The following UBE2E3 variants were observed in gnomAD, a reference collection of about 807,000 sequenced individuals.
UBE2E3 encodes ubiquitin-conjugating enzyme E2 E3.
In UBE2E3, 5 loss-of-function variants were observed where a neutral mutation model predicts 23.6. That is an observed-to-expected ratio of 0.21 (90% CI 0.11 to 0.44). The LOEUF is 0.44. UBE2E3 is among the 20% of genes least tolerant of loss of function. The pLI is 0.99. For missense variants in UBE2E3, 81 were observed against 249.8 expected, an observed-to-expected ratio of 0.32 and a Z score of 4.55; for synonymous variants, 78 against 87.5, an observed-to-expected ratio of 0.89 and a Z score of 0.60.
intron 3 of UBE2E3, among the ~76,000 whole-genome samples, chr2:180,994,263 A>G (rs966956901): frequency 6.6e-6 from 1 of 152,150 alleles, no homozygotes; most frequent in African/African-American, 2.4e-5. Flanking sequence ...AGGTTTCTTA[A>G]TTTTGGAGAA....
chr2:180,987,481 C>G lies in UBE2E3; in HGVS notation c.245+3388C>G, dbSNP rs918925660. On this transcript the variant is annotated intron_variant, in intron 3 of 5. Coordinates refer to ENST00000410062, the MANE Select transcript of UBE2E3 (RefSeq NM_006357.4). The stretch of plus-strand genomic sequence containing the variant: ...GACGAATATTTTAAGAGTGTATGTT[C>G]AGATTGAATCTATACTGGAGATATT... The G allele has an allele frequency of 2.8e-6, 4 of 1,429,462 alleles. No individual in the cohort carries two copies. The African/African-American group carries it at 5.7e-5, about 20-fold the overall frequency. 88.5% of individuals were successfully genotyped at this position (1,429,462 alleles called of 1,614,324 possible).
intron 3 of UBE2E3, among the ~76,000 whole-genome samples, chr2:180,994,449 T>G (rs1277241440): frequency 6.6e-6 from 1 of 152,178 alleles, no homozygotes; most frequent in Non-Finnish European, 1.5e-5. Flanking sequence ...ATCTATATCT[T>G]AAAACATGCA....
chr2:180,985,752 G>C (rs1273620602), intron 3 of UBE2E3, among the ~76,000 whole-genome samples: 1 of 152,086 alleles, frequency 6.6e-6, no homozygotes, highest in Non-Finnish European at 1.5e-5. Context: ...TATCAATTCA[G>C]AACTCTTAAA....
intron 3 of UBE2E3, among the ~76,000 whole-genome samples, chr2:181,019,111 G>A (rs1685591669): frequency 6.6e-6 from 1 of 152,126 alleles, no homozygotes; most frequent in African/African-American, 2.4e-5. Context: ...CTACAGGCAT[G>A]TGCCACCACA....
At chr2:180,999,627 C>T (rs987659539) in intron 3 of UBE2E3, among the ~76,000 whole-genome samples, 4 of 151,720 alleles carry the variant, frequency 2.6e-5, no homozygotes, top group African/African-American at 7.3e-5. Flanking sequence ...GGCACCCTCC[C>T]GCCCTCCACC....
chr2:181,026,616 ATTAG>A (rs571731246), intron 3 of UBE2E3, among the ~76,000 whole-genome samples: 153 of 151,562 alleles, frequency 1.0e-3, no homozygotes, highest in African/African-American at 3.6e-3. Context: ...TTATCTGGAG[ATTAG>A]TTAAAGTTTC....
chr2:181,047,451 G>A (rs1286798491), intron 3 of UBE2E3, among the ~76,000 whole-genome samples: 1 of 151,854 alleles, frequency 6.6e-6, no homozygotes, highest in Non-Finnish European at 1.5e-5. Flanking sequence ...TTATCTTTTG[G>A]ATATCTCATA....
rs978444496 is a variant in UBE2E3, at chr2:180,980,826, T to A, written c.-173T>A. 1 of 145,028 alleles carries A rather than the reference T, an allele frequency of 6.9e-6. No individual in the cohort carries two copies. Among genetic ancestry groups the A allele is most frequent in the African/African-American group, 2.5e-5 (1 of 39,342 alleles). The allele number at this position is 145,028 out of a possible 1,614,324, so 9.0% of individuals were successfully genotyped here. A position where few individuals can be genotyped will look rare whatever the true frequency, so the allele number is the denominator to read the frequency against. ...CCCTCCGACTTTCAATGTTCCACAC[T>A]CCCCGGCCAGAGCCTCCTCGGCTTC... On this transcript the variant is annotated 5_prime_UTR_variant, in exon 1 of 6. Coordinates refer to ENST00000410062, the MANE Select transcript of UBE2E3 (RefSeq NM_006357.4). The surrounding 1 kb of genome is among the most constrained non-coding windows in gnomAD (Gnocchi z 5.5).
intron 3 of UBE2E3, among the ~76,000 whole-genome samples, chr2:180,996,579 T>G (rs889615775): frequency 2.6e-5 from 4 of 152,188 alleles, no homozygotes; most frequent in Non-Finnish European, 4.4e-5. Context: ...ACATTGAACA[T>G]CCTCAGACTC....
intron 3 of UBE2E3, among the ~76,000 whole-genome samples, chr2:180,987,899 A>AC (rs1206013440): frequency 6.6e-6 from 1 of 152,094 alleles, no homozygotes; most frequent in Non-Finnish European, 1.5e-5. Flanking sequence ...CCCAACCCCC[A>AC]ACCCAGAATT....
intron 3 of UBE2E3, among the ~76,000 whole-genome samples, chr2:180,997,532 T>C (rs72883538): frequency 0.23 from 35,281 of 152,070 alleles, 4,458 homozygotes; most frequent in Non-Finnish European, 0.28. Flanking sequence ...ACCCTTGTGT[T>C]GTTTATCCCT....
chr2:180,982,759 A>G (rs570819592), intron 2 of UBE2E3, among the ~76,000 whole-genome samples: 4 of 152,184 alleles, frequency 2.6e-5, no homozygotes, highest in Non-Finnish European at 5.9e-5. Context: ...ATGACTTTCA[A>G]TCGTATATCA....
intron 3 of UBE2E3, among the ~76,000 whole-genome samples, chr2:181,027,005 TATTA>T (rs1402206843): frequency 3.3e-5 from 5 of 151,892 alleles, no homozygotes; most frequent in Admixed American, 2.6e-4. Context: ...TGAAGGTAAT[TATTA>T]GTAAAAAAAT....
intron 4 of UBE2E3, among the ~76,000 whole-genome samples, chr2:181,058,746 A>G (rs747589011): frequency 6.6e-6 from 1 of 151,796 alleles, no homozygotes; most frequent in Non-Finnish European, 1.5e-5. Flanking sequence ...ATGTGCACAT[A>G]AACGGATTTA....
intron 3 of UBE2E3, among the ~76,000 whole-genome samples, chr2:181,031,240 G>T (rs1304455121): frequency 6.6e-6 from 1 of 151,808 alleles, no homozygotes; most frequent in Non-Finnish European, 1.5e-5. Context: ...TACATATAGG[G>T]TTTGCTATGT....
intron 3 of UBE2E3, chr2:180,990,102 A>G (rs1390857901): frequency 8.8e-6 from 9 of 1,022,984 alleles, no homozygotes; most frequent in Non-Finnish European, 1.2e-5. Context: ...AACATCTTCA[A>G]ACTTTTAACC....
At chr2:181,001,276 T>C (rs183063705) in intron 3 of UBE2E3, among the ~76,000 whole-genome samples, 1 of 152,208 alleles carries the variant, frequency 6.6e-6, no homozygotes, top group East Asian at 1.9e-4. Context: ...GTAAAATATG[T>C]CACTTAATCA....
intron 3 of UBE2E3, among the ~76,000 whole-genome samples, chr2:181,048,865 C>T (rs1252802657): frequency 2.6e-5 from 4 of 152,086 alleles, no homozygotes; most frequent in Admixed American, 2.6e-4. Context: ...TTCACACATG[C>T]CCATTTAGCA....
chr2:181,034,862 T>A (rs1182623631), intron 3 of UBE2E3, among the ~76,000 whole-genome samples: 1 of 152,036 alleles, frequency 6.6e-6, no homozygotes, highest in Non-Finnish European at 1.5e-5. Context: ...TAGAAAAAAA[T>A]TAGAATTTGA....
Sources: gnomAD v4.1 joint callset for allele counts (sites outside exome capture counted in the v4.1 genomes callset) on GRCh38, gnomAD v4.1.1 for gene constraint, Gnocchi (gnomAD v3.1) non-coding constraint, MANE v1.5 for transcripts, NCBI Gene and HGNC (gene_info 2026-07-23, HGNC 2026-07-21) for gene names.